Variants in SLC2A13 observed in about 807,000 individuals in gnomAD.
The protein encoded by SLC2A13 is solute carrier family 2 member 13, also known as proton myo-inositol cotransporter.
A neutral mutation model predicts 64.4 loss-of-function variants in SLC2A13; 32 were observed. The ratio of observed to expected loss-of-function variants is 0.50; its 90% CI spans 0.37 to 0.67. The LOEUF (loss-of-function observed/expected upper bound fraction) is 0.67. Among genes scored for constraint, SLC2A13 ranks in the 30% least tolerant of loss-of-function variants. SLC2A13 has a pLI of 0.00. For missense variants in SLC2A13, 743 were observed against 829.2 expected, an observed-to-expected ratio of 0.90 and a Z score of 1.28; for synonymous variants, 338 against 327.1, an observed-to-expected ratio of 1.03 and a Z score of -0.36.
chr12:39,782,575 A>C (rs917138063), intron 7 of SLC2A13, among the ~76,000 whole-genome samples: 12 of 152,176 alleles, frequency 7.9e-5, no homozygotes, highest in African/African-American at 2.9e-4. Flanking sequence ...TATCAGCAGC[A>C]TGAAAATGGA....
intron 6 of SLC2A13, among the ~76,000 whole-genome samples, chr12:39,840,872 T>C (rs1035742999): frequency 1.3e-5 from 2 of 152,040 alleles, no homozygotes; most frequent in African/African-American, 2.4e-5. Context: ...ACCTGTTGAG[T>C]AAGTAATGAG....
intron 5 of SLC2A13, among the ~76,000 whole-genome samples, chr12:39,866,669 C>CG (rs1566883066): frequency 2.0e-5 from 3 of 152,006 alleles, no homozygotes; most frequent in Admixed American, 6.6e-5. Context: ...TTAGTAGAGA[C>CG]GGGGTTTCAC....
intron 3 of SLC2A13, among the ~76,000 whole-genome samples, chr12:39,991,523 A>G (rs1947138275): frequency 6.6e-6 from 1 of 152,030 alleles, no homozygotes; most frequent in Non-Finnish European, 1.5e-5. Flanking sequence ...GGTCCCTCTC[A>G]TGTTTACCAA....
At chr12:39,797,423 C>G (rs778253446) in intron 7 of SLC2A13, among the ~76,000 whole-genome samples, 1 of 152,106 alleles carries the variant, frequency 6.6e-6, no homozygotes, top group Non-Finnish European at 1.5e-5. Context: ...TGTTGGTTCT[C>G]TAGCAGAATA....
intron 1 of SLC2A13, among the ~76,000 whole-genome samples, chr12:40,102,041 C>T (rs1939168545): frequency 6.6e-6 from 1 of 152,170 alleles, no homozygotes; most frequent in Non-Finnish European, 1.5e-5. Context: ...ACTCTTCAAA[C>T]CCTACTTTGA....
intron 3 of SLC2A13, among the ~76,000 whole-genome samples, chr12:39,998,390 G>A (rs1315775329): frequency 6.6e-6 from 1 of 152,236 alleles, no homozygotes; most frequent in African/African-American, 2.4e-5. Flanking sequence ...AGGGAAAAGG[G>A]TGGGAAGGGG....
In SLC2A13 at chr12:39,988,582, GA is replaced by G. The variant is rs1231075720; in HGVS notation, c.926-37218del. On this transcript the variant is annotated intron_variant, in intron 3 of 9. Transcript: ENST00000280871. The stretch of plus-strand genomic sequence containing the variant: ...AGAAAGAAAGAGAAAAAGAATGAAT[GA>G]AAAAAAGAGGAAGAAGAAGAAGACT... 2.8e-4 allele frequency among the ~76,000 whole-genome samples: 41 copies of G among 144,060 alleles called. No individual in the cohort carries two copies. The East Asian group carries it at 6.8e-3, about 24-fold the overall frequency. 94.5% of individuals were successfully genotyped at this position (144,060 alleles called of 152,430 possible). A position where few individuals can be genotyped will look rare whatever the true frequency, so the allele number is the denominator to read the frequency against.
intron 4 of SLC2A13, among the ~76,000 whole-genome samples, chr12:39,915,530 T>G (rs551024833): frequency 6.6e-5 from 10 of 152,010 alleles, no homozygotes; most frequent in Non-Finnish European, 1.3e-4. Flanking sequence ...TAGAAGTATA[T>G]AGAACCCTTT....
At chr12:40,069,576 T>C (rs1404080958) in intron 1 of SLC2A13, among the ~76,000 whole-genome samples, 7 of 151,980 alleles carry the variant, frequency 4.6e-5, no homozygotes, top group Admixed American at 4.6e-4. Flanking sequence ...ATTACCAGCA[T>C]CTACAGATGC....
intron 1 of SLC2A13, among the ~76,000 whole-genome samples, chr12:40,098,757 C>T (rs761900691): frequency 3.3e-5 from 5 of 152,218 alleles, no homozygotes; most frequent in African/African-American, 1.2e-4. Context: ...ACCGTATTAT[C>T]CCCCTGGGTT....
chr12:40,051,003 T>C (rs1565605737), intron 1 of SLC2A13, among the ~76,000 whole-genome samples: 1 of 152,188 alleles, frequency 6.6e-6, no homozygotes, highest in Non-Finnish European at 1.5e-5. Context: ...TTATTCTTAT[T>C]ATCATCTCTA....
intron 3 of SLC2A13, among the ~76,000 whole-genome samples, chr12:39,991,835 G>C (rs991005427): frequency 4.6e-5 from 7 of 151,824 alleles, no homozygotes; most frequent in African/African-American, 1.7e-4. Flanking sequence ...GATGGTAGTT[G>C]AGTTATTTTG....
intron 4 of SLC2A13, among the ~76,000 whole-genome samples, chr12:39,884,970 T>C (rs1305139642): frequency 6.6e-6 from 1 of 152,228 alleles, no homozygotes; most frequent in African/African-American, 2.4e-5. Flanking sequence ...TAAACATCTA[T>C]TCAGGTGCCT....
intron 6 of SLC2A13, among the ~76,000 whole-genome samples, chr12:39,838,117 T>A (rs1943069622): frequency 6.8e-6 from 1 of 146,668 alleles, no homozygotes; most frequent in African/African-American, 2.6e-5. Flanking sequence ...ATAGACTGGA[T>A]TAAGAAAATG....
chr12:39,956,995 A>C (rs1946324812), intron 3 of SLC2A13, among the ~76,000 whole-genome samples: 1 of 152,050 alleles, frequency 6.6e-6, no homozygotes, highest in Admixed American at 6.6e-5. Flanking sequence ...GGCTACAATC[A>C]AGCACAGCAA....
chr12:39,954,002 T>C (rs904281747), intron 3 of SLC2A13, among the ~76,000 whole-genome samples: 5 of 152,222 alleles, frequency 3.3e-5, no homozygotes, highest in African/African-American at 1.2e-4. Context: ...TTGTATAAAA[T>C]TCCAGCTCTT....
intron 7 of SLC2A13, among the ~76,000 whole-genome samples, chr12:39,803,876 T>G (rs1299494404): frequency 6.6e-6 from 1 of 152,130 alleles, no homozygotes; most frequent in African/African-American, 2.4e-5. Context: ...TCTTCATATT[T>G]AGGAAGGACA....
intron 3 of SLC2A13, among the ~76,000 whole-genome samples, chr12:39,993,091 T>C (rs1947167597): frequency 6.6e-6 from 1 of 152,226 alleles, no homozygotes; most frequent in African/African-American, 2.4e-5. Context: ...TGCATCTTAT[T>C]TTACAATTCT....
chr12:39,798,798 A>G (rs954719974), intron 7 of SLC2A13, among the ~76,000 whole-genome samples: 6 of 152,148 alleles, frequency 3.9e-5, no homozygotes, highest in African/African-American at 1.4e-4. Flanking sequence ...AGCTCAAAAT[A>G]CTTTGTATAA....
Sources: gnomAD v4.1 joint callset for allele counts (sites outside exome capture counted in the v4.1 genomes callset) on GRCh38, gnomAD v4.1.1 for gene constraint, MANE v1.5 for transcripts, NCBI Gene and HGNC (gene_info 2026-07-23, HGNC 2026-07-21) for gene names.